NOL4: variants seen among roughly 807,000 people sequenced by gnomAD.
NOL4 encodes cancer/testis antigen 125.
NOL4 carries 17 observed loss-of-function variants against 75.9 expected under a neutral mutation model. That is an observed-to-expected ratio of 0.22 (90% CI 0.15 to 0.34). The LOEUF (loss-of-function observed/expected upper bound fraction) is 0.34, where lower values mean the gene tolerates loss of function less well. Ranked by LOEUF, NOL4 falls within the 10% of genes least tolerant of loss-of-function variation. The probability of loss-of-function intolerance (pLI) is 1.00; values close to 1 mark genes in which losing one functional copy is unlikely to be tolerated. For synonymous variants in NOL4, 292 were observed against 289.9 expected (o/e 1.01, Z -0.07); for missense variants, 614 against 793.5 (o/e 0.77, Z 2.72).
chr18:33,901,005 G>A (rs2065716901), intron 9 of NOL4, among the ~76,000 whole-genome samples: 1 of 152,112 alleles, frequency 6.6e-6, no homozygotes, highest in African/African-American at 2.4e-5. Flanking sequence ...CATTAAATAA[G>A]CTCAAATGCT....
chr18:34,102,809 T>A (rs934975231), intron 4 of NOL4, among the ~76,000 whole-genome samples: 13 of 152,010 alleles, frequency 8.6e-5, no homozygotes, highest in Non-Finnish European at 1.2e-4. Flanking sequence ...AGTTTTTTTT[T>A]ATCATTCTCA....
intron 9 of NOL4, among the ~76,000 whole-genome samples, chr18:33,886,394 G>T (rs868835758): frequency 6.6e-6 from 1 of 151,720 alleles, no homozygotes; most frequent in East Asian, 2.0e-4. Flanking sequence ...TGGGCGTGGT[G>T]GTGGGCCCCT....
chr18:34,092,298 G>A (rs188724766), intron 5 of NOL4, among the ~76,000 whole-genome samples: 1 of 151,876 alleles, frequency 6.6e-6, no homozygotes, highest in African/African-American at 2.4e-5. Context: ...CAAATAAATT[G>A]CTTTTCTACT....
chr18:34,208,378 G>A (rs960737127), intron 1 of NOL4, among the ~76,000 whole-genome samples: 8 of 151,624 alleles, frequency 5.3e-5, no homozygotes, highest in Non-Finnish European at 8.8e-5. Context: ...ATTTTAGCAA[G>A]ATCCTCAGGT....
chr18:34,111,602 T>G (rs1218004672), intron 2 of NOL4, among the ~76,000 whole-genome samples: 1 of 152,088 alleles, frequency 6.6e-6, no homozygotes, highest in Non-Finnish European at 1.5e-5. Flanking sequence ...GGTAATAAAT[T>G]TATATTACTT....
At chr18:33,879,556 C>T (rs1280630013) in intron 10 of NOL4, among the ~76,000 whole-genome samples, 1 of 152,000 alleles carries the variant, frequency 6.6e-6, no homozygotes. Context: ...AGGCATGCAC[C>T]TGTAGTACCA....
At chr18:33,982,159 A>G (rs566458698) in intron 6 of NOL4, among the ~76,000 whole-genome samples, 30 of 152,246 alleles carry the variant, frequency 2.0e-4, no homozygotes, top group South Asian at 6.2e-4. Flanking sequence ...CAAAGAACAA[A>G]GGCAATGAAT....
At chr18:33,914,873 A>T (rs2066620695) in intron 9 of NOL4, among the ~76,000 whole-genome samples, 2 of 152,092 alleles carry the variant, frequency 1.3e-5, no homozygotes, top group African/African-American at 4.8e-5. Flanking sequence ...AAGTGGTTGG[A>T]TATATGGATC....
At chr18:34,048,617 CA>C in intron 5 of NOL4, 1 of 985,286 alleles carries the variant, frequency 1.0e-6, no homozygotes, top group South Asian at 4.7e-5. Flanking sequence ...CTGTATGAAG[CA>C]GGAGATGGTG....
At chr18:34,002,536 G>A (rs780403937) in intron 6 of NOL4, among the ~76,000 whole-genome samples, 9 of 152,014 alleles carry the variant, frequency 5.9e-5, no homozygotes, top group South Asian at 4.2e-4. Flanking sequence ...CACCTCCAAC[G>A]TCTTGCTAAT....
intron 1 of NOL4, among the ~76,000 whole-genome samples, chr18:34,186,973 C>G (rs1490142327): frequency 1.3e-5 from 2 of 152,190 alleles, no homozygotes; most frequent in African/African-American, 2.4e-5. Context: ...GCCTCCCCTG[C>G]TATCAACATC....
intron 1 of NOL4, among the ~76,000 whole-genome samples, chr18:34,203,711 T>TCACACA (rs1271040642): frequency 3.7e-5 from 3 of 82,188 alleles, no homozygotes; most frequent in Admixed American, 1.4e-4. Context: ...TCTCTCTCTC[T>TCACACA]CTCTCTCACA....
At chr18:33,882,005 T>G (rs1369458071) in intron 10 of NOL4, among the ~76,000 whole-genome samples, 2 of 152,154 alleles carry the variant, frequency 1.3e-5, no homozygotes, top group Non-Finnish European at 2.9e-5. Context: ...TAGCCATATG[T>G]AGAAAGCTGA....
At chr18:33,923,813 T>C (rs572712147) in intron 9 of NOL4, among the ~76,000 whole-genome samples, 1 of 152,142 alleles carries the variant, frequency 6.6e-6, no homozygotes, top group Non-Finnish European at 1.5e-5. Context: ...TATAGTTTTT[T>C]AAAAAGCAAC....
At chr18:34,032,046 G>A (rs535677099) in intron 5 of NOL4, among the ~76,000 whole-genome samples, 15 of 152,336 alleles carry the variant, frequency 9.8e-5, no homozygotes, top group African/African-American at 3.4e-4. Flanking sequence ...TGAGGTGCTA[G>A]ACAAGCCCTG....
chr18:34,215,434 CATA>C (rs1282966724), intron 1 of NOL4, among the ~76,000 whole-genome samples: 1 of 152,114 alleles, frequency 6.6e-6, no homozygotes, highest in Non-Finnish European at 1.5e-5. Flanking sequence ...AAGCAATAGG[CATA>C]TTTTATTATA....
intron 1 of NOL4, among the ~76,000 whole-genome samples, chr18:34,158,988 C>T (rs2030955604): frequency 6.6e-6 from 1 of 152,224 alleles, no homozygotes; most frequent in Non-Finnish European, 1.5e-5. Flanking sequence ...CTCTCACTTC[C>T]TGTTTGTGGG....
intron 1 of NOL4, among the ~76,000 whole-genome samples, chr18:34,208,629 G>A (rs2036289208): frequency 6.6e-6 from 1 of 152,054 alleles, no homozygotes; most frequent in African/African-American, 2.4e-5. Flanking sequence ...GGGAGGCCAA[G>A]GTGGATCACC....
intron 6 of NOL4, among the ~76,000 whole-genome samples, chr18:33,973,936 G>A (rs1180775018): frequency 2.6e-5 from 4 of 152,098 alleles, no homozygotes; most frequent in Admixed American, 6.6e-5. Context: ...ACTTAAAGCC[G>A]CCAGCTACAT....
Sources: gnomAD v4.1 joint callset for allele counts (sites outside exome capture counted in the v4.1 genomes callset) on GRCh38, gnomAD v4.1.1 for gene constraint, MANE v1.5 for transcripts, NCBI Gene and HGNC (gene_info 2026-07-23, HGNC 2026-07-21) for gene names.